GABRB2: variants seen among roughly 807,000 people sequenced by gnomAD.
The protein encoded by GABRB2 is gamma-aminobutyric acid receptor subunit beta-2.
A neutral mutation model predicts 54.7 loss-of-function variants in GABRB2; 16 were observed. The observed-to-expected ratio is 0.29, with a 90% confidence interval of 0.20 to 0.44. The LOEUF (loss-of-function observed/expected upper bound fraction) is 0.44, where lower values mean the gene tolerates loss of function less well. GABRB2 is among the 20% of genes least tolerant of loss of function. GABRB2 has a pLI of 1.00. For missense variants in GABRB2, 355 were observed against 644.0 expected (o/e 0.55, Z 4.86); for synonymous variants, 244 against 233.8 (o/e 1.04, Z -0.40).
chr5:161,304,830 T>C (rs1757636485), intron 9 of GABRB2, among the ~76,000 whole-genome samples: 1 of 152,016 alleles, frequency 6.6e-6, no homozygotes, highest in Non-Finnish European at 1.5e-5. Context: ...TAATTTCTTT[T>C]AGAAGGCTAG....
At chr5:161,338,429 G>C (rs1038902908) in intron 5 of GABRB2, among the ~76,000 whole-genome samples, 18 of 152,088 alleles carry the variant, frequency 1.2e-4, no homozygotes, top group African/African-American at 4.3e-4. Flanking sequence ...TATTTTATTA[G>C]TATGATCTAA....
chr5:161,513,823 G>C (rs1738294843), intron 3 of GABRB2, among the ~76,000 whole-genome samples: 1 of 151,962 alleles, frequency 6.6e-6, no homozygotes, highest in Non-Finnish European at 1.5e-5. Flanking sequence ...ATAAAATACA[G>C]ATAAATTTCC....
At chr5:161,395,576 ACT>A (rs1755971785) in intron 5 of GABRB2, among the ~76,000 whole-genome samples, 2 of 152,154 alleles carry the variant, frequency 1.3e-5, no homozygotes, top group South Asian at 4.1e-4. Context: ...AATTGTGCAA[ACT>A]CCTGTGAAGA....
At chr5:161,544,419 C>A (rs965920201) in intron 3 of GABRB2, among the ~76,000 whole-genome samples, 1 of 152,140 alleles carries the variant, frequency 6.6e-6, no homozygotes, top group African/African-American at 2.4e-5. Flanking sequence ...CGCTTGTCAT[C>A]GCATTGCATG....
At chr5:161,476,948 G>A (rs1758608525) in intron 3 of GABRB2, among the ~76,000 whole-genome samples, 1 of 151,704 alleles carries the variant, frequency 6.6e-6, no homozygotes, top group Non-Finnish European at 1.5e-5. Context: ...CAAATTTAAA[G>A]ACTTATGCAT....
intron 5 of GABRB2, among the ~76,000 whole-genome samples, chr5:161,345,147 C>G (rs1393532381): frequency 6.6e-6 from 1 of 151,922 alleles, no homozygotes; most frequent in Non-Finnish European, 1.5e-5. Context: ...ACCTATCTAA[C>G]AAATCTGCAT....
intron 5 of GABRB2, among the ~76,000 whole-genome samples, chr5:161,362,477 T>G (rs1754843252): frequency 6.6e-6 from 1 of 152,132 alleles, no homozygotes; most frequent in African/African-American, 2.4e-5. Flanking sequence ...GGGTAAAGAC[T>G]TCATGACTAA....
rs186353930 is a variant in GABRB2, at chr5:161,324,382, C to T, written c.1191+1986G>A. Among the ~76,000 whole-genome samples, 203 of 152,240 alleles carry T rather than the reference C, an allele frequency of 1.3e-3. 1 individual carries two copies. The highest frequency in any genetic ancestry group is 1.2e-3 in the Non-Finnish European group (79 of 67,982). ...AAAATCTGAGAAAGACACACAATCC[C>T]TGGCACCATCTCCAGAATAATTACA... On this transcript the variant is annotated intron_variant, in intron 9 of 9. Transcript: ENST00000393959.
Position 161,294,310 on chromosome 5 carries a change from G to C in GABRB2, c.1310C>G (p.Ser437Cys), listed in dbSNP as rs772398405. The C allele has an allele frequency of 1.9e-6, 3 of 1,614,086 alleles. No individual in the cohort carries two copies. Among genetic ancestry groups the C allele is most frequent in the Non-Finnish European group, 2.5e-6 (3 of 1,179,996 alleles). ...CCCAGCTTTCCGATACTGGATGCTG[G>C]AGGCATCATAGGCTAGCATTGTGCT... ...PRSTMLAYDA[S>C]SIQYRKAGLP... Residue 437 changes from serine to cysteine, a missense_variant, in exon 10 of 10, where the codon TCC becomes TGC. By Grantham distance (112) the Ser-to-Cys change is moderately radical (BLOSUM62 -1). Around this residue, in one of 6 missense-constraint regions of GABRB2, gnomAD observed 201 missense variants for 228.1 expected, o/e 0.88. Transcript: ENST00000393959.
intron 3 of GABRB2, among the ~76,000 whole-genome samples, chr5:161,542,003 G>A (rs1760835084): frequency 6.6e-6 from 1 of 152,190 alleles, no homozygotes; most frequent in Admixed American, 6.5e-5. Flanking sequence ...TTGTAGGGCT[G>A]TGAATTGGCC....
At chr5:161,450,857 T>C (rs185658462) in intron 4 of GABRB2, among the ~76,000 whole-genome samples, 109 of 152,268 alleles carry the variant, frequency 7.2e-4, no homozygotes, top group African/African-American at 2.5e-3. Context: ...GCCTATCGTA[T>C]GCATTTTTTT....
At chr5:161,412,793 A>C (rs1012051011) in intron 4 of GABRB2, among the ~76,000 whole-genome samples, 1 of 152,206 alleles carries the variant, frequency 6.6e-6, no homozygotes, top group Non-Finnish European at 1.5e-5. Context: ...CTTTTCTGAG[A>C]GTCCCTTTCC....
chr5:161,476,950 C>T (rs1175409355), intron 3 of GABRB2, among the ~76,000 whole-genome samples: 1 of 151,772 alleles, frequency 6.6e-6, no homozygotes, highest in Non-Finnish European at 1.5e-5. Context: ...AATTTAAAGA[C>T]TTATGCATAC....
chr5:161,386,916 T>C (rs1755656394), intron 5 of GABRB2, among the ~76,000 whole-genome samples: 1 of 151,854 alleles, frequency 6.6e-6, no homozygotes. Context: ...ACTAGCTGAC[T>C]TGACCGCGTA....
At chr5:161,467,678 CA>C (rs1758318378) in intron 3 of GABRB2, among the ~76,000 whole-genome samples, 1 of 151,960 alleles carries the variant, frequency 6.6e-6, no homozygotes, top group Non-Finnish European at 1.5e-5. Flanking sequence ...ATTGGAATAC[CA>C]AACTATTTTC....
chr5:161,327,309 T>C (rs1400103470), intron 8 of GABRB2, among the ~76,000 whole-genome samples: 1 of 152,212 alleles, frequency 6.6e-6, no homozygotes, highest in Non-Finnish European at 1.5e-5. Context: ...ATTTTTCAGG[T>C]GAAATCAACT....
chr5:161,400,583 A>G (rs2113077800), intron 5 of GABRB2, among the ~76,000 whole-genome samples: 1 of 152,304 alleles, frequency 6.6e-6, no homozygotes, highest in African/African-American at 2.4e-5. Flanking sequence ...TTCTTCAGAA[A>G]GGTAAATAGA....
intron 5 of GABRB2, 44 bp downstream of exon 5, chr5:161,410,931 C>T: frequency 4.1e-6 from 6 of 1,479,906 alleles, no homozygotes; most frequent in Non-Finnish European, 4.7e-6. Flanking sequence ...GCGTAAGAAC[C>T]TTAAAGCAGA....
At chr5:161,470,969 TA>T (rs1758421889) in intron 3 of GABRB2, among the ~76,000 whole-genome samples, 1 of 152,014 alleles carries the variant, frequency 6.6e-6, no homozygotes, top group African/African-American at 2.4e-5. Flanking sequence ...GCATGGGTTT[TA>T]AATGTTGATT....
Sources: allele counts gnomAD v4.1 joint callset (sites outside exome capture counted in the v4.1 genomes callset), GRCh38; gene constraint gnomAD v4.1.1; regional missense constraint gnomAD v4.1.1; transcripts MANE v1.5; gene names NCBI Gene and HGNC (gene_info 2026-07-23, HGNC 2026-07-21).